Variants in TNRC6B observed in about 807,000 individuals in gnomAD.
The protein encoded by TNRC6B is trinucleotide repeat-containing gene 6B protein.
A neutral mutation model predicts 203.6 loss-of-function variants in TNRC6B; 52 were observed. That is an observed-to-expected ratio of 0.26 (90% CI 0.20 to 0.32). TNRC6B has a LOEUF of 0.32. Ranked by LOEUF, TNRC6B falls within the 10% of genes least tolerant of loss-of-function variation. The pLI is 1.00. For synonymous variants in TNRC6B, 838 were observed against 845.7 expected, an observed-to-expected ratio of 0.99 and a Z score of 0.16; for missense variants, 1,923 against 2,286.2, an observed-to-expected ratio of 0.84 and a Z score of 3.24.
At chr22:40,061,453 C>T (rs948390897) in intron 1 of TNRC6B, among the ~76,000 whole-genome samples, 7 of 151,774 alleles carry the variant, frequency 4.6e-5, no homozygotes, top group Non-Finnish European at 8.8e-5. Context: ...GAACTCCTGA[C>T]CTCAGGTGAT....
In TNRC6B at chr22:40,308,409, T is replaced by A. The variant is rs1394402458; in HGVS notation, c.4121-103T>A. The A allele has an allele frequency of 3.8e-6, 5 of 1,328,716 alleles. No individual in the cohort carries two copies. The African/African-American group carries it at 5.8e-5, about 15-fold the overall frequency. The allele number at this position is 1,328,716 out of a possible 1,614,324, so 82.3% of individuals were successfully genotyped here. A position where few individuals can be genotyped will look rare whatever the true frequency, so the allele number is the denominator to read the frequency against. ...CCTGTTTCTGAGTGGAGAAACTCTG[T>A]GAATTAGTCTTTGAATGACACTTGA... is the stretch of plus-strand genomic sequence containing the variant. On this transcript the variant is annotated intron_variant, in intron 15 of 22. Transcript: ENST00000454349.
In TNRC6B at chr22:40,207,418, A is replaced by T. The variant is rs369642383; in HGVS notation, c.5+29278A>T. On this transcript the variant is annotated intron_variant, in intron 1 of 22. Coordinates refer to ENST00000454349, the MANE Select transcript of TNRC6B (RefSeq NM_001162501.2). ...TGAGACCCTGCCTCAAAAAAAAAAAAATATATATATATATATATATATATA... is the reference window on the plus strand; with the variant it reads ...TGAGACCCTGCCTCAAAAAAAAAAATATATATATATATATATATATATATA... Among the ~76,000 whole-genome samples, 570 of 128,778 alleles carry T rather than the reference A, an allele frequency of 4.4e-3. 3 individuals carry two copies. The highest frequency in any genetic ancestry group is 0.011 in the East Asian group (53 of 4,694). The allele number at this position is 128,778 out of a possible 152,430, so 84.5% of individuals were successfully genotyped here.
At chr22:40,318,624 A>G (rs945156804) in intron 21 of TNRC6B, among the ~76,000 whole-genome samples, 2 of 152,174 alleles carry the variant, frequency 1.3e-5, no homozygotes, top group African/African-American at 2.4e-5. Context: ...AGAATCTTGT[A>G]TGACCATCCT....
rs1033676139 is a variant in TNRC6B at position 40,327,977 on chromosome 22, G to C, written c.*4736G>C. 6.6e-6 allele frequency: 1 copy of C among 152,046 alleles called. No homozygotes were observed. Among genetic ancestry groups the C allele is most frequent in the Non-Finnish European group, 1.5e-5 (1 of 68,032 alleles). The allele number at this position is 152,046 out of a possible 1,614,324, so 9.4% of individuals were successfully genotyped here. A position where few individuals can be genotyped will look rare whatever the true frequency, so the allele number is the denominator to read the frequency against. ...AGCCAAAAGAAAAGAAGCACTAATA[G>C]AGAAAGGGGTGTCTCACACCAGACA... On this transcript the variant is annotated 3_prime_UTR_variant, in exon 23 of 23. Transcript: ENST00000454349.
intron 1 of TNRC6B, among the ~76,000 whole-genome samples, chr22:40,216,403 A>C (rs1182023112): frequency 7.2e-5 from 11 of 152,106 alleles, no homozygotes; most frequent in Admixed American, 2.6e-4. Context: ...GAACTAAGTC[A>C]GTGTTTTTTT....
intron 1 of TNRC6B, among the ~76,000 whole-genome samples, chr22:40,090,563 A>G (rs1286083169): frequency 1.3e-5 from 2 of 152,044 alleles, no homozygotes; most frequent in Non-Finnish European, 2.9e-5. Flanking sequence ...AGTTTTAAGA[A>G]TTCTTTGTAT....
At chr22:40,232,693 GA>G (rs1408133238) in intron 1 of TNRC6B, among the ~76,000 whole-genome samples, 2 of 152,170 alleles carry the variant, frequency 1.3e-5, no homozygotes, top group Non-Finnish European at 2.9e-5. Flanking sequence ...TTGCCACATA[GA>G]ATTTTGGAAA....
At chr22:40,090,146 G>A (rs919566591) in intron 1 of TNRC6B, among the ~76,000 whole-genome samples, 1 of 152,238 alleles carries the variant, frequency 6.6e-6, no homozygotes, top group African/African-American at 2.4e-5. Flanking sequence ...CAAACACCAT[G>A]TGTGGGTTTT....
intron 3 of TNRC6B, among the ~76,000 whole-genome samples, chr22:40,259,027 G>A (rs551541460): frequency 1.3e-5 from 2 of 152,272 alleles, no homozygotes; most frequent in South Asian, 4.1e-4. Context: ...CTAAAAACCA[G>A]TTGGGATGAA....
At chr22:40,261,192 G>T (rs938850075) in intron 3 of TNRC6B, among the ~76,000 whole-genome samples, 15 of 152,220 alleles carry the variant, frequency 9.9e-5, no homozygotes, top group Middle Eastern at 6.8e-3. Flanking sequence ...AGGCTGAGGT[G>T]GGAGGATCAC....
chr22:40,237,114 G>A (rs2069958586), intron 1 of TNRC6B, among the ~76,000 whole-genome samples: 1 of 152,206 alleles, frequency 6.6e-6, no homozygotes, highest in African/African-American at 2.4e-5. Context: ...GCAGTGAGCT[G>A]AGATTGTGCC....
intron 12 of TNRC6B, among the ~76,000 whole-genome samples, chr22:40,297,917 T>C (rs2070965890): frequency 6.6e-6 from 1 of 151,920 alleles, no homozygotes; most frequent in East Asian, 1.9e-4. Context: ...GGTCAGGAGA[T>C]TGAGACCATC....
At chr22:40,172,569 T>C (rs916952601) in intron 4 of TNRC6B, among the ~76,000 whole-genome samples, 7 of 152,250 alleles carry the variant, frequency 4.6e-5, no homozygotes, top group African/African-American at 1.7e-4. Context: ...CTCAGTTCTG[T>C]CTGATAATAT....
intron 4 of TNRC6B, 109 bp from the exon 5 acceptor site, chr22:40,264,579 C>A: frequency 8.3e-7 from 1 of 1,210,554 alleles, no homozygotes; most frequent in Non-Finnish European, 1.1e-6. Flanking sequence ...GAGAAACTGG[C>A]ATGTGATCAG....
At chr22:40,112,793 G>T (rs1389737396) in intron 1 of TNRC6B, among the ~76,000 whole-genome samples, 1 of 152,174 alleles carries the variant, frequency 6.6e-6, no homozygotes, top group Admixed American at 6.5e-5. Flanking sequence ...AAATTAGTAT[G>T]TTGAGACCAC....
At chr22:40,284,297 G>A (rs368557056) in intron 11 of TNRC6B, among the ~76,000 whole-genome samples, 4 of 152,244 alleles carry the variant, frequency 2.6e-5, no homozygotes, top group East Asian at 1.9e-4. Flanking sequence ...TTTCCCTACA[G>A]CAGTCCCTTA....
upstream of TNRC6B, among the ~76,000 whole-genome samples, chr22:40,173,951 G>T (rs545622448): frequency 3.3e-5 from 5 of 150,348 alleles, no homozygotes; most frequent in Admixed American, 6.6e-5. Context: ...TTACCAGCAG[G>T]TACCACCATG....
intron 3 of TNRC6B, among the ~76,000 whole-genome samples, chr22:40,132,969 A>AATATATATATATATAT (rs1166468730): frequency 7.7e-5 from 6 of 78,184 alleles, no homozygotes; most frequent in African/African-American, 1.2e-4. Flanking sequence ...AAAAAAAAAA[A>AATATATATATATATAT]ATATATATAT....
chr22:40,159,939 G>A (rs147903094), intron 4 of TNRC6B, among the ~76,000 whole-genome samples: 2 of 151,800 alleles, frequency 1.3e-5, no homozygotes, highest in South Asian at 4.2e-4. Flanking sequence ...AGCTTCCTGA[G>A]TGCCTGGGAC....
Sources: gnomAD v4.1 joint callset for allele counts (sites outside exome capture counted in the v4.1 genomes callset) on GRCh38, gnomAD v4.1.1 for gene constraint, MANE v1.5 for transcripts, NCBI Gene and HGNC (gene_info 2026-07-23, HGNC 2026-07-21) for gene names.